Variants in ADGRF1 observed in about 807,000 individuals in gnomAD.
The protein encoded by ADGRF1 is G protein-coupled receptor 110.
Under a neutral mutation model 87.2 loss-of-function variants are expected in ADGRF1, and 85 were observed. The ratio of observed to expected loss-of-function variants is 0.97; its 90% CI spans 0.82 to 1.17. ADGRF1 has a LOEUF of 1.17. Ranked by LOEUF, ADGRF1 falls within the 50% of genes most tolerant of loss-of-function variation. The pLI, the probability that ADGRF1 is intolerant of heterozygous loss-of-function variation, is 0.00. For synonymous variants in ADGRF1, 430 were observed against 408.8 expected (o/e 1.05, Z -0.63); for missense variants, 1,169 against 1,077.2 (o/e 1.09, Z -1.19).
At chr6:47,030,134 C>A (rs1204354075) in intron 1 of ADGRF1, among the ~76,000 whole-genome samples, 1 of 152,140 alleles carries the variant, frequency 6.6e-6, no homozygotes, top group African/African-American at 2.4e-5. Flanking sequence ...TGCTATTTCT[C>A]CAGTGCCACC....
intron 7 of ADGRF1, chr6:47,019,459 G>A (rs998448191): frequency 1.1e-5 from 7 of 660,300 alleles, no homozygotes; most frequent in East Asian, 1.4e-4. Context: ...CGAGGCAGGC[G>A]GATCACGAGG....
Position 47,016,165 on chromosome 6 carries a change from C to T in ADGRF1, c.763+452G>A, listed in dbSNP as rs181622777. Among the ~76,000 whole-genome samples the T allele has an allele frequency of 6.6e-5, 10 of 152,084 alleles. No homozygotes were observed. In the East Asian group the frequency reaches 1.7e-3, roughly 26 times the overall value. ...GTGGTACAAATTTTGGTAGGAAAGG[C>T]GTAAGATTGAATGTAAAAGAAAAAG... On this transcript the variant is annotated intron_variant, in intron 8 of 14. Transcript: ENST00000371253.
intron 1 of ADGRF1, among the ~76,000 whole-genome samples, chr6:47,033,609 C>G (rs192406553): frequency 1.6e-3 from 239 of 152,376 alleles, no homozygotes; most frequent in African/African-American, 5.4e-3. Context: ...TGCGCCCATG[C>G]GCACACACAC....
chr6:47,027,873 G>C lies in ADGRF1; in HGVS notation c.70-112C>G, dbSNP rs1780288131. On this transcript the variant is annotated intron_variant, in intron 2 of 14. Coordinates refer to ENST00000371253, the MANE Select transcript of ADGRF1 (RefSeq NM_153840.4). ...ATCATGAATCTAAAATCCAAGCCAGGGATGGTGGAGAGGCGGCCAGGGAAG... is the reference window on the plus strand; with the variant it reads ...ATCATGAATCTAAAATCCAAGCCAGCGATGGTGGAGAGGCGGCCAGGGAAG... 7 of 751,998 alleles carry C rather than the reference G, an allele frequency of 9.3e-6. No individual in the cohort carries two copies. In the South Asian group the frequency reaches 1.1e-4, roughly 12 times the overall value. The allele number at this position is 751,998 out of a possible 1,614,324, so 46.6% of individuals were successfully genotyped here. A position where few individuals can be genotyped will look rare whatever the true frequency, so the allele number is the denominator to read the frequency against.
Position 47,029,121 on chromosome 6 carries a change from C to T in ADGRF1, c.-43-17G>A. On this transcript the variant is annotated splice_polypyrimidine_tract_variant and intron_variant, in intron 1 of 14. Coordinates refer to ENST00000371253, the MANE Select transcript of ADGRF1 (RefSeq NM_153840.4). ...AGTCTGTGACTAAACAAGCAGGGTA[C>T]CAGGTAAGGTAGAGGCACAAAAACA... is the stretch of plus-strand genomic sequence containing the variant. 1 of 1,396,274 alleles carries T rather than the reference C, an allele frequency of 7.2e-7. No individual in the cohort carries two copies. Among genetic ancestry groups the T allele is most frequent in the Non-Finnish European group, 1.0e-6 (1 of 982,244 alleles). 86.5% of individuals were successfully genotyped at this position (1,396,274 alleles called of 1,614,324 possible). A position where few individuals can be genotyped will look rare whatever the true frequency, so the allele number is the denominator to read the frequency against.
intron 1 of ADGRF1, among the ~76,000 whole-genome samples, chr6:47,035,810 C>T (rs1263691985): frequency 6.6e-6 from 1 of 152,174 alleles, no homozygotes; most frequent in Non-Finnish European, 1.5e-5. Context: ...CCTGTTCCTG[C>T]ATTAATTTGC....
intron 2 of ADGRF1, 28 bp from the exon 3 acceptor site, chr6:47,027,789 G>A (rs773457711): frequency 2.3e-6 from 3 of 1,294,000 alleles, no homozygotes; most frequent in Admixed American, 1.7e-5. Context: ...AATAGTTACG[G>A]TGAGACTTTG....
intron 9 of ADGRF1, chr6:47,013,615 T>C: frequency 1.0e-6 from 1 of 985,518 alleles, no homozygotes; most frequent in Non-Finnish European, 1.2e-6. Flanking sequence ...TTACTTGTCT[T>C]AATACTTGAA....
rs1309657455 is a variant in ADGRF1 at position 47,009,626 on chromosome 6, G to C, written c.1809C>G (p.Cys603Trp). The C allele has an allele frequency of 6.2e-7, 1 of 1,614,040 alleles. No homozygotes were observed. The highest frequency in any genetic ancestry group is 1.3e-5 in the African/African-American group (1 of 74,936). ...LGISIGSLIL[C>W]LIIEALFWKQ... ...TCCAAAACAAAGCCTCGATGATCAG[G>C]CATAAAATGAGACTTCCAATGGAGA... The change falls in exon 11 of 15, where the codon TGC (cysteine) becomes TGG (tryptophan). Residue 603 changes from cysteine (C) to tryptophan (W), a missense_variant. By Grantham distance (215) the Cys-to-Trp change is radical (BLOSUM62 -2). Coordinates refer to ENST00000371253, the MANE Select transcript of ADGRF1 (RefSeq NM_153840.4).
chr6:47,012,379 G>T (rs1226479), intron 9 of ADGRF1, 184 bp from the exon 10 acceptor site: 2 of 1,080,740 alleles, frequency 1.9e-6, no homozygotes, highest in Non-Finnish European at 2.4e-6. Flanking sequence ...ATTGCACTAG[G>T]TGCTTTACCA....
At chr6:47,006,574 T>C (rs1779538745) in intron 12 of ADGRF1, among the ~76,000 whole-genome samples, 1 of 152,202 alleles carries the variant, frequency 6.6e-6, no homozygotes, top group African/African-American at 2.4e-5. Context: ...GGTGTTTGGT[T>C]ACATGAGTAA....
Position 47,010,284 on chromosome 6 carries a change from G to T in ADGRF1, c.1151C>A (p.Ser384Ter). 1.2e-6 allele frequency: 2 copies of T among 1,612,450 alleles called. No homozygotes were observed. The highest frequency in any genetic ancestry group is 1.7e-6 in the Non-Finnish European group (2 of 1,179,282). ...GACTGTCCAGTTGGTTACTGAGGCT[G>T]AATTAAGGATATTGTCAGCTATACT... is the stretch of plus-strand genomic sequence containing the variant. ...VISIADNILN[S>*]ASVTNWTVLL... Residue 384 changes from serine to a stop codon, truncating the protein, a stop_gained, in exon 11 of 15, where the codon TCA (serine) becomes TAA (stop). Transcript: ENST00000371253. LOFTEE classifies it high-confidence loss of function.
intron 13 of ADGRF1, among the ~76,000 whole-genome samples, chr6:47,003,729 G>A (rs984233820): frequency 6.6e-6 from 1 of 152,146 alleles, no homozygotes; most frequent in African/African-American, 2.4e-5. Flanking sequence ...TACCTCGCAT[G>A]TACTGACTGA....
chr6:47,003,333 A>G (rs1344795452), intron 13 of ADGRF1, among the ~76,000 whole-genome samples: 1 of 152,198 alleles, frequency 6.6e-6, no homozygotes, highest in Non-Finnish European at 1.5e-5. Context: ...TTACCACAAA[A>G]TATATTTCTT....
In ADGRF1 at chr6:47,008,432, A is replaced by G. The variant is rs538291446; in HGVS notation, c.2490+513T>C. ...TGCGGGCTATACGGTTTCTTTTGCA[A>G]CTACTCAACTCTGCCATTGCAGTGA... is the stretch of plus-strand genomic sequence containing the variant. On this transcript the variant is annotated intron_variant, in intron 11 of 14. Transcript: ENST00000371253. 1.5e-3 allele frequency among the ~76,000 whole-genome samples: 233 copies of G among 152,354 alleles called. 2 individuals carry two copies. Among genetic ancestry groups the G allele is most frequent in the Non-Finnish European group, 2.9e-3 (200 of 68,036 alleles).
In ADGRF1 at chr6:47,000,145, A is replaced by C; in HGVS notation, c.*77T>G. Reference sequence around the variant, plus strand: ...CAGAAAACCCGATCGAATACTGAGCATAATTTCTTCATTGACATTTGTCTC... The same window carrying C: ...CAGAAAACCCGATCGAATACTGAGCCTAATTTCTTCATTGACATTTGTCTC... On this transcript the variant is annotated 3_prime_UTR_variant, in exon 15 of 15. Coordinates refer to ENST00000371253, the MANE Select transcript of ADGRF1 (RefSeq NM_153840.4). 9.0e-7 allele frequency: 1 copy of C among 1,113,612 alleles called. No individual in the cohort carries two copies. Among genetic ancestry groups the C allele is most frequent in the Non-Finnish European group, 1.4e-6 (1 of 737,092 alleles). 69.0% of individuals were successfully genotyped at this position (1,113,612 alleles called of 1,614,324 possible).
At chr6:47,014,301 G>A (rs1779796134) in intron 9 of ADGRF1, 1 of 1,004,618 alleles carries the variant, frequency 1.0e-6, no homozygotes, top group Non-Finnish European at 1.2e-6. Context: ...ATCCTTACTT[G>A]TACTAAGCCT....
rs145286949 is a variant in ADGRF1 at position 47,016,654 on chromosome 6, A to C, written c.726T>G (p.Phe242Leu). ...CTCTGAAAGAGCCGTCTTCTAATGG[A>C]AACAGCTTGTGAAGGGCTGTCTTAG... is the stretch of plus-strand genomic sequence containing the variant. ...EKAKTALHKL[F>L]PLEDGSFRVF... Residue 242 changes from phenylalanine (F) to leucine (L), a missense_variant, in exon 8 of 15, where the codon TTT (phenylalanine) becomes TTG (leucine). By Grantham distance (22) the Phe-to-Leu change is conservative. Coordinates refer to ENST00000371253, the MANE Select transcript of ADGRF1 (RefSeq NM_153840.4). The C allele has an allele frequency of 2.7e-5, 43 of 1,610,782 alleles. No individual in the cohort carries two copies. The African/African-American group carries it at 4.8e-4, about 18-fold the overall frequency.
intron 9 of ADGRF1, chr6:47,014,146 C>A (rs532467623): frequency 2.2e-6 from 1 of 460,578 alleles, no homozygotes; most frequent in Non-Finnish European, 2.9e-6. Context: ...ACCAGAGGAA[C>A]TATTGGCCCC....
Sources: gnomAD v4.1 joint callset for allele counts (sites outside exome capture counted in the v4.1 genomes callset) on GRCh38, gnomAD v4.1.1 for gene constraint, MANE v1.5 for transcripts, NCBI Gene and HGNC (gene_info 2026-07-23, HGNC 2026-07-21) for gene names.